The following EDIL3 variants were observed in gnomAD, a reference collection of about 807,000 sequenced individuals.
EDIL3 encodes the protein EGF-like repeat and discoidin I-like domain-containing protein 3.
In EDIL3, 37 loss-of-function variants were observed where a neutral mutation model predicts 67.4. That is an observed-to-expected ratio of 0.55 (90% CI 0.42 to 0.72). The LOEUF is 0.72. EDIL3 is among the 30% of genes least tolerant of loss of function. The probability of loss-of-function intolerance (pLI) is 0.00; values close to 1 mark genes in which losing one functional copy is unlikely to be tolerated. For missense variants in EDIL3, 527 were observed against 586.3 expected (o/e 0.90, Z 1.04); for synonymous variants, 195 against 196.3 (o/e 0.99, Z 0.05).
chr5:84,118,548 G>C (rs745849983), intron 5 of EDIL3, among the ~76,000 whole-genome samples: 1 of 152,066 alleles, frequency 6.6e-6, no homozygotes. Context: ...TATCAAAACT[G>C]TTCCTCATTG....
chr5:84,120,245 G>A (rs541987026), intron 5 of EDIL3, among the ~76,000 whole-genome samples: 3 of 152,018 alleles, frequency 2.0e-5, no homozygotes, highest in South Asian at 4.1e-4. Flanking sequence ...TCTATATATA[G>A]GAGTGTGGCT....
At position 84,320,891 on chromosome 5, in the gene EDIL3, G is replaced by T. The variant is rs576398208; in HGVS notation, c.67+63417C>A. Among the ~76,000 whole-genome samples, 20 of 152,274 alleles carry T rather than the reference G, an allele frequency of 1.3e-4. No homozygotes were observed. The South Asian group carries it at 3.1e-3, about 24-fold the overall frequency. ...TCTTGTGAGTGTAAGGTTTGCTGAA[G>T]ATTTTGGTAGAGAATCTTTATCAAT... On this transcript the variant is annotated intron_variant, in intron 1 of 10. Transcript: ENST00000296591.
intron 9 of EDIL3, among the ~76,000 whole-genome samples, chr5:83,966,394 T>G (rs982172189): frequency 1.3e-5 from 2 of 152,118 alleles, no homozygotes; most frequent in African/African-American, 4.8e-5. Context: ...AATGTCACTA[T>G]GTATCAGAGC....
At chr5:84,183,791 C>G (rs897996158) in intron 3 of EDIL3, among the ~76,000 whole-genome samples, 4 of 152,062 alleles carry the variant, frequency 2.6e-5, no homozygotes, top group Non-Finnish European at 5.9e-5. Context: ...AAGTCCTCTG[C>G]GAGTTCTTGA....
At position 83,942,088 on chromosome 5, in the gene EDIL3, A is replaced by G. The variant is rs1422835719; in HGVS notation, c.*1331T>C. 6.6e-6 allele frequency: 1 copy of G among 152,040 alleles called. No homozygotes were observed. Among genetic ancestry groups the G allele is most frequent in the Non-Finnish European group, 1.5e-5 (1 of 67,948 alleles). 9.4% of individuals were successfully genotyped at this position (152,040 alleles called of 1,614,324 possible). ...TCTGTCTAAGCCTTATAAAATAAATACTTGTAAAGCTTATAAATTAGATGT... is the reference window on the plus strand; with the variant it reads ...TCTGTCTAAGCCTTATAAAATAAATGCTTGTAAAGCTTATAAATTAGATGT... On this transcript the variant is annotated 3_prime_UTR_variant, in exon 11 of 11. Transcript: ENST00000296591.
At chr5:84,129,627 C>A (rs1747925367) in intron 5 of EDIL3, among the ~76,000 whole-genome samples, 1 of 151,930 alleles carries the variant, frequency 6.6e-6, no homozygotes, top group Non-Finnish European at 1.5e-5. Context: ...AAATCATTAC[C>A]AAAGTACCCT....
At chr5:84,191,766 A>T (rs1420489082) in intron 3 of EDIL3, among the ~76,000 whole-genome samples, 1 of 152,064 alleles carries the variant, frequency 6.6e-6, no homozygotes, top group Non-Finnish European at 1.5e-5. Flanking sequence ...AAACAGCAAC[A>T]GTTAACTTTG....
intron 10 of EDIL3, among the ~76,000 whole-genome samples, chr5:83,962,030 T>A (rs1744614241): frequency 6.6e-6 from 1 of 151,336 alleles, no homozygotes; most frequent in Admixed American, 6.6e-5. Context: ...GCTTTTCAAA[T>A]CTAAAGCTAA....
At chr5:84,206,415 G>A (rs1198946922) in intron 3 of EDIL3, among the ~76,000 whole-genome samples, 1 of 152,058 alleles carries the variant, frequency 6.6e-6, no homozygotes, top group African/African-American at 2.4e-5. Context: ...GAGTTCTGTA[G>A]ATGTCTATTA....
intron 3 of EDIL3, among the ~76,000 whole-genome samples, chr5:84,197,625 C>T (rs550148759): frequency 6.6e-6 from 1 of 151,460 alleles, no homozygotes; most frequent in Non-Finnish European, 1.5e-5. Context: ...TGCCACTGAA[C>T]TCCAGTCTGG....
intron 4 of EDIL3, among the ~76,000 whole-genome samples, chr5:84,138,854 A>T (rs111696822): frequency 6.6e-6 from 1 of 152,194 alleles, no homozygotes; most frequent in African/African-American, 2.4e-5. Context: ...TTCAGAAAAA[A>T]TAAAAATAAT....
At chr5:84,086,286 T>A (rs1206183655) in intron 6 of EDIL3, among the ~76,000 whole-genome samples, 1 of 152,196 alleles carries the variant, frequency 6.6e-6, no homozygotes, top group African/African-American at 2.4e-5. Flanking sequence ...CCCAGGGCTC[T>A]GGTGGTGTAG....
chr5:84,096,882 A>G (rs1429064720), intron 6 of EDIL3, among the ~76,000 whole-genome samples: 1 of 152,172 alleles, frequency 6.6e-6, no homozygotes, highest in Non-Finnish European at 1.5e-5. Context: ...TTCTCATGAT[A>G]GTGAATAAGT....
intron 1 of EDIL3, among the ~76,000 whole-genome samples, chr5:84,284,589 C>T (rs918896515): frequency 8.7e-4 from 133 of 152,222 alleles, no homozygotes; most frequent in African/African-American, 3.2e-3. Context: ...TCCAAGGAAA[C>T]TAGTGGTAGG....
intron 3 of EDIL3, among the ~76,000 whole-genome samples, chr5:84,188,783 A>T (rs991535382): frequency 1.3e-5 from 2 of 152,122 alleles, no homozygotes; most frequent in Non-Finnish European, 2.9e-5. Flanking sequence ...GTGAAGCCAC[A>T]GCAAGAAGGC....
chr5:84,248,041 G>A (rs1269311461), intron 2 of EDIL3, among the ~76,000 whole-genome samples: 2 of 151,998 alleles, frequency 1.3e-5, no homozygotes, highest in African/African-American at 4.8e-5. Context: ...TTTTTTAACT[G>A]CTATATCCTC....
chr5:84,013,876 G>A (rs745855613), intron 9 of EDIL3, among the ~76,000 whole-genome samples: 4 of 152,106 alleles, frequency 2.6e-5, no homozygotes, highest in Non-Finnish European at 5.9e-5. Context: ...AATTAATTTG[G>A]TTGAAAAGTT....
chr5:83,979,964 CAGACTCTGATCACT>C (rs1404104504), intron 9 of EDIL3, among the ~76,000 whole-genome samples: 4 of 152,100 alleles, frequency 2.6e-5, no homozygotes, highest in African/African-American at 9.7e-5. Context: ...TCTTGTAGGG[CAGACTCTGATCACT>C]GAGAAAAGAA....
rs146315799 is a variant in EDIL3 at position 84,218,222 on chromosome 5, T to C, written c.226+11633A>G. Among the ~76,000 whole-genome samples, 514 of 152,330 alleles carry C rather than the reference T, an allele frequency of 3.4e-3. 2 individuals carry two copies. The highest frequency in any genetic ancestry group is 0.012 in the African/African-American group (489 of 41,576). On this transcript the variant is annotated intron_variant, in intron 3 of 10. Coordinates refer to ENST00000296591, the MANE Select transcript of EDIL3 (RefSeq NM_005711.5). The stretch of plus-strand genomic sequence containing the variant: ...GATAAAATTTTGTGTTTTGGCTGTA[T>C]GTCATTCTTATTTCTAATAAGATAA...
Sources: gnomAD v4.1 joint callset for allele counts (sites outside exome capture counted in the v4.1 genomes callset) on GRCh38, gnomAD v4.1.1 for gene constraint, MANE v1.5 for transcripts, NCBI Gene and HGNC (gene_info 2026-07-23, HGNC 2026-07-21) for gene names.